Variants in MPPED2 observed in about 807,000 individuals in gnomAD.
MPPED2 encodes metallophosphoesterase MPPED2.
In MPPED2, 5 loss-of-function variants were observed where a neutral mutation model predicts 33.0. The ratio of observed to expected loss-of-function variants is 0.15; its 90% confidence interval spans 0.08 to 0.32. The LOEUF is 0.32. Among genes scored for constraint, MPPED2 ranks in the 10% least tolerant of loss-of-function variants. The pLI is 1.00. For synonymous variants in MPPED2, 136 were observed against 141.9 expected, an observed-to-expected ratio of 0.96 and a Z score of 0.29; for missense variants, 275 against 372.1, an observed-to-expected ratio of 0.74 and a Z score of 2.15.
At chr11:30,419,027 A>G (rs1287803609) in intron 4 of MPPED2, among the ~76,000 whole-genome samples, 2 of 152,218 alleles carry the variant, frequency 1.3e-5, no homozygotes, top group Non-Finnish European at 2.9e-5. Flanking sequence ...AAAGTATCAG[A>G]CTTGCTTCCT....
intron 2 of MPPED2, among the ~76,000 whole-genome samples, chr11:30,563,756 T>C (rs1475623861): frequency 6.6e-6 from 1 of 152,206 alleles, no homozygotes; most frequent in East Asian, 1.9e-4. Context: ...TTGTCAAAGA[T>C]GAATTTGTTA....
chr11:30,469,472 G>GA (rs1325159662), intron 4 of MPPED2, among the ~76,000 whole-genome samples: 25 of 152,232 alleles, frequency 1.6e-4, no homozygotes, highest in African/African-American at 6.0e-4. Context: ...TTTTATAGAT[G>GA]AAAAATCTCA....
chr11:30,390,241 A>G (rs1947754455), intron 6 of MPPED2, among the ~76,000 whole-genome samples: 1 of 152,220 alleles, frequency 6.6e-6, no homozygotes, highest in Admixed American at 6.5e-5. Flanking sequence ...GAAGATAGTG[A>G]TTGACTCCCC....
intron 4 of MPPED2, among the ~76,000 whole-genome samples, chr11:30,470,110 T>C (rs1032755686): frequency 4.6e-5 from 7 of 152,202 alleles, no homozygotes; most frequent in Non-Finnish European, 8.8e-5. Flanking sequence ...CTTTCTTTTA[T>C]GAAAATTTAT....
At chr11:30,419,096 A>G (rs895103343) in intron 4 of MPPED2, among the ~76,000 whole-genome samples, 9 of 152,178 alleles carry the variant, frequency 5.9e-5, no homozygotes, top group African/African-American at 2.2e-4. Flanking sequence ...AGAAATAAGA[A>G]TATGAGGAGA....
chr11:30,450,616 C>T (rs1950015593), intron 4 of MPPED2, among the ~76,000 whole-genome samples: 2 of 152,176 alleles, frequency 1.3e-5, no homozygotes, highest in Non-Finnish European at 2.9e-5. Context: ...ATGGCCACTC[C>T]TAGGTGCTTC....
chr11:30,511,407 A>T (rs1011879465), intron 3 of MPPED2, among the ~76,000 whole-genome samples: 1 of 152,242 alleles, frequency 6.6e-6, no homozygotes, highest in Non-Finnish European at 1.5e-5. Context: ...AACTGCAAGG[A>T]AGAGAATTAG....
rs1041520333 is a variant in MPPED2 at position 30,483,712 on chromosome 11, A to AT, written c.536+11583dup. On this transcript the variant is annotated intron_variant, in intron 4 of 6. Transcript: ENST00000358117. Reference sequence around the variant, plus strand: ...TTTTAAATCATTAAGACAATAAAACATTTTTTTTTCCTGAGTGTCTGTCTT... The same window carrying AT: ...TTTTAAATCATTAAGACAATAAAACATTTTTTTTTTCCTGAGTGTCTGTCTT... Among the ~76,000 whole-genome samples, 331 of 151,600 alleles carry AT rather than the reference A, an allele frequency of 2.2e-3. 1 individual carries two copies. Among genetic ancestry groups the AT allele is most frequent in the Middle Eastern group, 0.02 (6 of 294 alleles).
At chr11:30,405,648 TC>T (rs1947977444), downstream of MPPED2, among the ~76,000 whole-genome samples, 1 of 152,240 alleles carries the variant, frequency 6.6e-6, no homozygotes, top group African/African-American at 2.4e-5. Flanking sequence ...GTTAAAGAAC[TC>T]ATTTTCTGTA....
At chr11:30,502,433 C>T (rs1026327675) in intron 3 of MPPED2, among the ~76,000 whole-genome samples, 2 of 152,156 alleles carry the variant, frequency 1.3e-5, no homozygotes, top group African/African-American at 4.8e-5. Context: ...GGAAATAAAG[C>T]AGTGTCAGCC....
Position 30,410,298 on chromosome 11 carries a change from A to G in MPPED2, c.*1170T>C. ...ATATCACAATAAATTTAAAGAAACAACTGCTTTCCTAAATTTCATTAACAA... is the reference window on the plus strand; with the variant it reads ...ATATCACAATAAATTTAAAGAAACAGCTGCTTTCCTAAATTTCATTAACAA... On this transcript the variant is annotated 3_prime_UTR_variant, in exon 7 of 7. Coordinates refer to ENST00000358117, the MANE Select transcript of MPPED2 (RefSeq NM_001584.3). 5.1e-6 allele frequency: 5 copies of G among 984,838 alleles called. No homozygotes were observed. The highest frequency in any genetic ancestry group is 4.7e-5 in the South Asian group (1 of 21,262). The allele number at this position is 984,838 out of a possible 1,614,324, so 61.0% of individuals were successfully genotyped here.
At chr11:30,467,225 T>G (rs1026476) in intron 4 of MPPED2, among the ~76,000 whole-genome samples, 12,155 of 152,146 alleles carry the variant, frequency 0.08, 626 homozygotes, top group South Asian at 0.24. Context: ...TGAGTGCCTT[T>G]GGAGACAGGG....
At chr11:30,453,303 C>A (rs1950142884) in intron 4 of MPPED2, among the ~76,000 whole-genome samples, 2 of 152,306 alleles carry the variant, frequency 1.3e-5, no homozygotes, top group South Asian at 4.1e-4. Context: ...ACTAAGGAAA[C>A]TGCAGATGTG....
At chr11:30,558,215 A>G (rs959720074) in intron 2 of MPPED2, among the ~76,000 whole-genome samples, 2 of 152,178 alleles carry the variant, frequency 1.3e-5, no homozygotes, top group African/African-American at 4.8e-5. Context: ...AAAAAGAAAG[A>G]AAAGTCTGGC....
chr11:30,512,815 A>G (rs1185039762), intron 3 of MPPED2, among the ~76,000 whole-genome samples: 1 of 152,188 alleles, frequency 6.6e-6, no homozygotes, highest in Non-Finnish European at 1.5e-5. Flanking sequence ...AGCCTGGTCA[A>G]TATGGTGAAA....
At chr11:30,448,161 A>T (rs1340624883) in intron 4 of MPPED2, among the ~76,000 whole-genome samples, 1 of 152,098 alleles carries the variant, frequency 6.6e-6, no homozygotes, top group African/African-American at 2.4e-5. Flanking sequence ...CAAGGGCATC[A>T]TTTTCCTAAG....
chr11:30,543,746 G>T (rs1030596216), intron 2 of MPPED2, among the ~76,000 whole-genome samples: 1 of 147,312 alleles, frequency 6.8e-6, no homozygotes, highest in Non-Finnish European at 1.5e-5. Context: ...AAACAAAAAT[G>T]ACAGAATATG....
exon 7 of MPPED2, chr11:30,388,578 G>C (rs1947730827): frequency 1.0e-5 from 2 of 198,962 alleles, no homozygotes; most frequent in Non-Finnish European, 1.0e-5. Context: ...GGTGGAGGGG[G>C]TCATCAGTGA....
Position 30,410,501 on chromosome 11 carries a change from A to C in MPPED2, c.*967T>G. ...TAAATAGAAAGGACAACTAAGCCTT[A>C]TTTTAGTTAGCTTCCATTGCATCCA... is the stretch of plus-strand genomic sequence containing the variant. On this transcript the variant is annotated 3_prime_UTR_variant, in exon 7 of 7. Transcript: ENST00000358117. 10 of 985,770 alleles carry C rather than the reference A, an allele frequency of 1.0e-5. No individual in the cohort carries two copies. The highest frequency in any genetic ancestry group is 1.2e-5 in the Non-Finnish European group (10 of 829,918). The allele number at this position is 985,770 out of a possible 1,614,324, so 61.1% of individuals were successfully genotyped here.
Sources: allele counts gnomAD v4.1 joint callset (sites outside exome capture counted in the v4.1 genomes callset), GRCh38; gene constraint gnomAD v4.1.1; transcripts MANE v1.5; gene names NCBI Gene and HGNC (gene_info 2026-07-23, HGNC 2026-07-21).